Variants in NEK1 observed in about 807,000 individuals in gnomAD.
The protein encoded by NEK1 is NIMA related kinase 1, also known as serine/threonine-protein kinase Nek1.
In NEK1, 137 loss-of-function variants were observed where a neutral mutation model predicts 182.1. The observed-to-expected ratio is 0.75, with a 90% CI of 0.65 to 0.87. The LOEUF (loss-of-function observed/expected upper bound fraction) is 0.87. Among genes scored for constraint, NEK1 ranks in the 40% least tolerant of loss-of-function variants. The pLI is 0.00. For missense variants in NEK1, 1,391 were observed against 1,494.4 expected, an observed-to-expected ratio of 0.93 and a Z score of 1.14; for synonymous variants, 513 against 492.2, an observed-to-expected ratio of 1.04 and a Z score of -0.56.
intron 23 of NEK1, among the ~76,000 whole-genome samples, chr4:169,505,167 T>G (rs548161653): frequency 1.3e-5 from 2 of 152,160 alleles, no homozygotes; most frequent in Non-Finnish European, 1.5e-5. Context: ...AATTATTTTA[T>G]CCTTTCTATA....
At chr4:169,555,347 A>T (rs6841065) in intron 18 of NEK1, 1 of 221,170 alleles carries the variant, frequency 4.5e-6, no homozygotes, top group Non-Finnish European at 9.0e-6. Flanking sequence ...GTGATGAAGA[A>T]AAGGGCGAAA....
At chr4:169,506,012 TA>T (rs1423653915) in intron 23 of NEK1, among the ~76,000 whole-genome samples, 1 of 151,730 alleles carries the variant, frequency 6.6e-6, no homozygotes, top group Non-Finnish European at 1.5e-5. Context: ...GTATAAAAAC[TA>T]TTATAACTAT....
chr4:169,571,520 A>C lies in NEK1; in HGVS notation c.1020+5408T>G, dbSNP rs530644970. On this transcript the variant is annotated intron_variant, in intron 12 of 35. Coordinates refer to ENST00000507142, the MANE Select transcript of NEK1 (RefSeq NM_001199397.3). ...ATTACTTGATATAGTGTGATCAAGA[A>C]AGGCTCTATTCATAAAGCAAGTTTT... 9.2e-5 allele frequency among the ~76,000 whole-genome samples: 14 copies of C among 152,382 alleles called. No homozygotes were observed. The East Asian group carries it at 2.7e-3, about 29-fold the overall frequency.
chr4:169,410,549 A>G (rs968769717), intron 31 of NEK1, among the ~76,000 whole-genome samples: 9 of 152,200 alleles, frequency 5.9e-5, no homozygotes, highest in Admixed American at 5.2e-4. Context: ...CTGCAATTAA[A>G]TGCTGCTGCT....
Position 169,599,723 on chromosome 4 carries a change from T to C in NEK1, c.215-526A>G, listed in dbSNP as rs144621111. ...TACACTGTTTCCACCCTCTTTGAGC[T>C]TTCCTTAATTTTATGCACTTTTTAA... On this transcript the variant is annotated intron_variant, in intron 4 of 35. Transcript: ENST00000507142. Among the ~76,000 whole-genome samples the C allele has an allele frequency of 6.8e-4, 104 of 152,282 alleles. 1 individual carries two copies. The East Asian group carries it at 0.02, about 29-fold the overall frequency.
At chr4:169,434,769 T>G (rs972451941) in intron 28 of NEK1, among the ~76,000 whole-genome samples, 1 of 152,244 alleles carries the variant, frequency 6.6e-6, no homozygotes. Context: ...ACTGATATTG[T>G]ACTAATCTTT....
At chr4:169,531,003 T>C (rs1757589311) in intron 19 of NEK1, among the ~76,000 whole-genome samples, 1 of 150,906 alleles carries the variant, frequency 6.6e-6, no homozygotes, top group African/African-American at 2.4e-5. Context: ...GGTAGAATTA[T>C]CAGTGAGATC....
intron 19 of NEK1, among the ~76,000 whole-genome samples, chr4:169,529,783 G>A (rs2149785558): frequency 6.6e-6 from 1 of 152,164 alleles, no homozygotes; most frequent in Non-Finnish European, 1.5e-5. Context: ...AAGGATATAA[G>A]GATGGCAAAT....
At position 169,400,574 on chromosome 4, in the gene NEK1, G is replaced by C; in HGVS notation, c.3661C>G (p.Leu1221Val). The C allele has an allele frequency of 5.6e-6, 9 of 1,609,124 alleles. No individual in the cohort carries two copies. The highest frequency in any genetic ancestry group is 7.6e-6 in the Non-Finnish European group (9 of 1,177,934). The change falls in exon 34 of 36, where the codon CTG becomes GTG. Residue 1221 changes from leucine (L) to valine (V), a missense_variant. Coordinates refer to ENST00000507142, the MANE Select transcript of NEK1 (RefSeq NM_001199397.3). ...FNHLEELRLH[L>V]EQEMGFEKFF... is the part of the protein sequence containing the mutation. ...TTTTCAAAGCCCATTTCCTGCTCCA[G>C]ATGAAGTCTCAGTTCCTCTAAATGG...
At chr4:169,521,461 G>T (rs1194146317) in intron 19 of NEK1, among the ~76,000 whole-genome samples, 2 of 151,396 alleles carry the variant, frequency 1.3e-5, no homozygotes, top group Non-Finnish European at 2.9e-5. Context: ...GAAATCACCC[G>T]TCTTCTGCGT....
rs72691044 is a variant in NEK1 at position 169,419,032 on chromosome 4, T to G, written c.3222+5521A>C. On this transcript the variant is annotated intron_variant, in intron 31 of 35. Coordinates refer to ENST00000507142, the MANE Select transcript of NEK1 (RefSeq NM_001199397.3). Reference sequence around the variant, plus strand: ...GTGTCATAGTTTAATGAATTACTCATGTTTGTGGTGATGCTGATATAAACA... The same window carrying G: ...GTGTCATAGTTTAATGAATTACTCAGGTTTGTGGTGATGCTGATATAAACA... 4.0e-3 allele frequency among the ~76,000 whole-genome samples: 605 copies of G among 152,268 alleles called. 5 individuals are homozygous for G. Among genetic ancestry groups the G allele is most frequent in the South Asian group, 0.03 (144 of 4,828 alleles).
intron 31 of NEK1, 140 bp from the exon 32 acceptor site, chr4:169,406,887 A>G (rs993189317): frequency 1.0e-5 from 4 of 384,708 alleles, no homozygotes; most frequent in Non-Finnish European, 1.8e-5. Flanking sequence ...TATGTAACAT[A>G]TATATGTAAC....
intron 2 of NEK1, among the ~76,000 whole-genome samples, chr4:169,606,643 G>A (rs1771386868): frequency 6.6e-6 from 1 of 152,158 alleles, no homozygotes. Flanking sequence ...CATCTTGAAA[G>A]AAGACCACAG....
Position 169,424,697 on chromosome 4 carries a change from T to A in NEK1, c.3078A>T (p.Leu1026Phe). The A allele has an allele frequency of 6.2e-7, 1 of 1,613,910 alleles. No homozygotes were observed. ...ACTGAACTGATTGAACTTGAGGGAC[T>A]AAGTTCAAGTGTTCAGAATGAACCA... Reference protein sequence around the residue: ...HKVVHSEHLNLVPQVQSVQCS... With the variant: ...HKVVHSEHLNFVPQVQSVQCS... Residue 1026 changes from leucine to phenylalanine, a missense_variant, in exon 31 of 36, where the codon TTA becomes TTT. Transcript: ENST00000507142.
At chr4:169,477,575 T>C (rs1369029452) in intron 24 of NEK1, 78 bp from the exon 25 acceptor site, 1 of 1,092,592 alleles carries the variant, frequency 9.2e-7, no homozygotes, top group Non-Finnish European at 1.3e-6. Flanking sequence ...ACATCCTCGT[T>C]ACTTTTTGGT....
At chr4:169,601,768 A>G (rs1449484235) in intron 4 of NEK1, among the ~76,000 whole-genome samples, 1 of 152,018 alleles carries the variant, frequency 6.6e-6, no homozygotes, top group Non-Finnish European at 1.5e-5. Context: ...CCTGGGAGGC[A>G]GAGGTTGGAG....
At chr4:169,401,895 C>T (rs766946850) in intron 32 of NEK1, 35 bp from the exon 33 acceptor site, 40 of 1,536,684 alleles carry the variant, frequency 2.6e-5, no homozygotes, top group Admixed American at 3.7e-5. Flanking sequence ...AAGTTTCAAA[C>T]ATACTGAAAT....
intron 19 of NEK1, among the ~76,000 whole-genome samples, chr4:169,534,691 T>C (rs1758178581): frequency 1.6e-5 from 2 of 125,242 alleles, no homozygotes; most frequent in African/African-American, 3.9e-5. Context: ...GACTGTTCTG[T>C]ACTGGCCTGG....
In NEK1 at chr4:169,479,415, T is replaced by C; in HGVS notation, c.2127A>G (p.Lys709=). 1 of 1,609,934 alleles carries C rather than the reference T, an allele frequency of 6.2e-7. No homozygotes were observed. The highest frequency in any genetic ancestry group is 1.1e-5 in the South Asian group (1 of 89,372). The change falls in exon 24 of 36, where the codon AAA becomes AAG. Residue 709 remains lysine (K), a synonymous_variant. Coordinates refer to ENST00000507142, the MANE Select transcript of NEK1 (RefSeq NM_001199397.3). The stretch of plus-strand genomic sequence containing the variant: ...TTAGGAAACTTACCACGCCAACTTC[T>C]TTCAAAGCTGAAGTTACAGAAATAA... ...RSVISVTSAL[K]EVGVDSSLTD... is the part of the protein sequence containing the mutation.
Sources: allele counts gnomAD v4.1 joint callset (sites outside exome capture counted in the v4.1 genomes callset), GRCh38; gene constraint gnomAD v4.1.1; transcripts MANE v1.5; gene names NCBI Gene and HGNC (gene_info 2026-07-23, HGNC 2026-07-21).